DENND1A: variants seen among roughly 807,000 people sequenced by gnomAD.
DENND1A encodes DENN domain-containing protein 1A.
DENND1A carries 51 observed loss-of-function variants against 113.7 expected under a neutral mutation model. The observed-to-expected ratio is 0.45, with a 90% confidence interval of 0.36 to 0.57. DENND1A has a LOEUF of 0.57. Ranked by LOEUF, DENND1A falls within the 20% of genes least tolerant of loss-of-function variation. DENND1A has a pLI of 0.00. For missense variants in DENND1A, 1,258 were observed against 1,395.9 expected (o/e 0.90, Z 1.57); for synonymous variants, 565 against 570.8 (o/e 0.99, Z 0.14).
intron 9 of DENND1A, among the ~76,000 whole-genome samples, chr9:123,642,164 A>G (rs2062065058): frequency 6.6e-6 from 1 of 152,366 alleles, no homozygotes; most frequent in South Asian, 2.1e-4. Context: ...TTAGAGTTTA[A>G]CATGAATAAG....
intron 2 of DENND1A, among the ~76,000 whole-genome samples, chr9:123,862,443 A>G (rs968137514): frequency 2.6e-5 from 4 of 152,200 alleles, no homozygotes; most frequent in African/African-American, 9.7e-5. Flanking sequence ...CCATCAGAAG[A>G]ATGTTCTTCA....
intron 5 of DENND1A, among the ~76,000 whole-genome samples, chr9:123,733,229 C>T (rs2068311809): frequency 6.6e-6 from 1 of 151,822 alleles, no homozygotes; most frequent in Non-Finnish European, 1.5e-5. Flanking sequence ...GACCTGCCCG[C>T]CTCAGCCTCC....
Position 123,899,162 on chromosome 9 carries a change from A to T in DENND1A, c.18-20141T>A, listed in dbSNP as rs183158324. 4.1e-3 allele frequency among the ~76,000 whole-genome samples: 620 copies of T among 152,278 alleles called. 1 individual carries two copies. Among genetic ancestry groups the T allele is most frequent in the Middle Eastern group, 0.02 (6 of 294 alleles). On this transcript the variant is annotated intron_variant, in intron 1 of 23. Transcript: ENST00000394215. Reference sequence around the variant, plus strand: ...TTCCTGGTGACAAATGGCAGCCAATAATTATTGAGAACCATGCTAGGTGAC... The same window carrying T: ...TTCCTGGTGACAAATGGCAGCCAATTATTATTGAGAACCATGCTAGGTGAC...
At chr9:123,496,756 C>G (rs2051956765) in intron 13 of DENND1A, among the ~76,000 whole-genome samples, 1 of 152,204 alleles carries the variant, frequency 6.6e-6, no homozygotes, top group African/African-American at 2.4e-5. Flanking sequence ...TTAGAAGCTG[C>G]TATTGGGACA....
At chr9:123,672,381 C>G (rs2063807505) in intron 6 of DENND1A, among the ~76,000 whole-genome samples, 2 of 152,220 alleles carry the variant, frequency 1.3e-5, no homozygotes, top group South Asian at 4.2e-4. Flanking sequence ...CAATCTCAAA[C>G]TTACTGAACA....
At chr9:123,391,846 G>T (rs1030365789) in intron 21 of DENND1A, among the ~76,000 whole-genome samples, 16 of 151,422 alleles carry the variant, frequency 1.1e-4, no homozygotes, top group Admixed American at 1.1e-3. Flanking sequence ...CACTTGCCTG[G>T]ATTTTATTAC....
chr9:123,908,557 C>G (rs1208830021), intron 1 of DENND1A, among the ~76,000 whole-genome samples: 1 of 147,036 alleles, frequency 6.8e-6, no homozygotes, highest in Admixed American at 6.8e-5. Context: ...AGACACTTCT[C>G]AAAAGAAGAC....
intron 5 of DENND1A, among the ~76,000 whole-genome samples, chr9:123,735,006 A>G (rs2068458704): frequency 1.3e-5 from 2 of 152,156 alleles, no homozygotes; most frequent in South Asian, 4.2e-4. Context: ...ATGGAGAAGG[A>G]GAAGCCAGAA....
At chr9:123,586,778 G>A (rs747692238) in intron 11 of DENND1A, among the ~76,000 whole-genome samples, 7 of 152,106 alleles carry the variant, frequency 4.6e-5, no homozygotes, top group Non-Finnish European at 8.8e-5. Context: ...CAGGAAGCGC[G>A]GATGAGAAGA....
intron 19 of DENND1A, among the ~76,000 whole-genome samples, chr9:123,437,391 A>G (rs191689233): frequency 1.3e-3 from 205 of 152,314 alleles, no homozygotes; most frequent in African/African-American, 4.4e-3. Flanking sequence ...AGCTGCCGTC[A>G]GAGGTCTCCA....
At chr9:123,552,019 G>GAGAGAC (rs1564702860) in intron 13 of DENND1A, among the ~76,000 whole-genome samples, 12 of 124,258 alleles carry the variant, frequency 9.7e-5, no homozygotes, top group African/African-American at 4.0e-4. Flanking sequence ...GAGCGAGAGC[G>GAGAGAC]AGAGAGAGAG....
At chr9:123,927,779 A>G (rs2134243133) in intron 1 of DENND1A, among the ~76,000 whole-genome samples, 1 of 152,286 alleles carries the variant, frequency 6.6e-6, no homozygotes, top group South Asian at 2.1e-4. Flanking sequence ...GAACCTGCAC[A>G]CTTAGATTTC....
intron 10 of DENND1A, among the ~76,000 whole-genome samples, chr9:123,618,819 C>T (rs1296536017): frequency 6.6e-6 from 1 of 152,222 alleles, no homozygotes; most frequent in Non-Finnish European, 1.5e-5. Context: ...ACATCGGTGC[C>T]TTCCGGGGTG....
chr9:123,447,554 G>A (rs1299692286), intron 18 of DENND1A, among the ~76,000 whole-genome samples: 1 of 152,128 alleles, frequency 6.6e-6, no homozygotes, highest in Non-Finnish European at 1.5e-5. Flanking sequence ...CAAACCCAAG[G>A]CGAGGGTGAA....
At chr9:123,564,307 G>A (rs1011232046) in intron 12 of DENND1A, among the ~76,000 whole-genome samples, 2 of 152,226 alleles carry the variant, frequency 1.3e-5, no homozygotes, top group Non-Finnish European at 2.9e-5. Flanking sequence ...ACTATTGAGT[G>A]TTCACCTCTA....
intron 2 of DENND1A, among the ~76,000 whole-genome samples, chr9:123,877,588 C>T (rs1847687402): frequency 6.6e-6 from 1 of 151,818 alleles, no homozygotes; most frequent in African/African-American, 2.4e-5. Flanking sequence ...CTTTGGGAGG[C>T]CGAGGTGGGT....
At chr9:123,837,295 A>G (rs935690625) in intron 2 of DENND1A, among the ~76,000 whole-genome samples, 2 of 152,182 alleles carry the variant, frequency 1.3e-5, no homozygotes, top group African/African-American at 4.8e-5. Flanking sequence ...CTCAACAAAG[A>G]TACTTCACAA....
intron 2 of DENND1A, among the ~76,000 whole-genome samples, chr9:123,817,240 T>C (rs1425458371): frequency 6.6e-6 from 1 of 152,192 alleles, no homozygotes; most frequent in East Asian, 1.9e-4. Context: ...TTACCTTCCC[T>C]AGAACTGCTT....
At chr9:123,595,731 T>C (rs184898916) in intron 11 of DENND1A, among the ~76,000 whole-genome samples, 73 of 152,222 alleles carry the variant, frequency 4.8e-4, no homozygotes, top group South Asian at 2.1e-3. Flanking sequence ...TCAGGGTTGT[T>C]GAAAAGATTG....
Sources: gnomAD v4.1 joint callset for allele counts (sites outside exome capture counted in the v4.1 genomes callset) on GRCh38, gnomAD v4.1.1 for gene constraint, MANE v1.5 for transcripts, NCBI Gene and HGNC (gene_info 2026-07-23, HGNC 2026-07-21) for gene names.